The following TNNI3K variants were observed in gnomAD, a reference collection of about 807,000 sequenced individuals.
TNNI3K encodes TNNI3 interacting kinase.
A neutral mutation model predicts 114.5 loss-of-function variants in TNNI3K; 140 were observed. The ratio of observed to expected loss-of-function variants is 1.22; its 90% CI spans 1.07 to 1.41. The LOEUF is 1.41. Ranked by LOEUF, TNNI3K falls within the 40% of genes most tolerant of loss-of-function variation. TNNI3K has a pLI of 0.00. For missense variants in TNNI3K, 1,125 were observed against 1,007.6 expected, an observed-to-expected ratio of 1.12 and a Z score of -1.58; for synonymous variants, 347 against 347.5, an observed-to-expected ratio of 1.00 and a Z score of 0.02.
intron 7 of TNNI3K, among the ~76,000 whole-genome samples, chr1:74,340,295 T>G (rs1007868158): frequency 1.3e-5 from 2 of 152,138 alleles, no homozygotes; most frequent in African/African-American, 4.8e-5. Context: ...TAATAATGAT[T>G]TACATGTATT....
chr1:74,286,611 C>G (rs1657349633), intron 5 of TNNI3K, among the ~76,000 whole-genome samples: 1 of 151,684 alleles, frequency 6.6e-6, no homozygotes, highest in Non-Finnish European at 1.5e-5. Flanking sequence ...TCAGATTGAC[C>G]CCTGTGGACT....
At chr1:74,327,453 G>GAT (rs765712406) in intron 5 of TNNI3K, among the ~76,000 whole-genome samples, 16 of 145,996 alleles carry the variant, frequency 1.1e-4, no homozygotes, top group East Asian at 2.0e-4. Context: ...CTGCTACTGA[G>GAT]ATATATATAT....
intron 20 of TNNI3K, among the ~76,000 whole-genome samples, chr1:74,440,332 A>T (rs1322749204): frequency 6.6e-6 from 1 of 152,128 alleles, no homozygotes; most frequent in East Asian, 1.9e-4. Context: ...AGGACTTTGC[A>T]TCCCTAAAAC....
At chr1:74,448,264 A>G (rs1480493264) in intron 20 of TNNI3K, among the ~76,000 whole-genome samples, 1 of 108,264 alleles carries the variant, frequency 9.2e-6, no homozygotes, top group African/African-American at 6.1e-5. Flanking sequence ...GTATAATAAA[A>G]AAAAAAAAAA....
chr1:74,350,686 C>T, intron 9 of TNNI3K, among the ~76,000 whole-genome samples: 1 of 151,978 alleles, frequency 6.6e-6, no homozygotes, highest in African/African-American at 2.4e-5. Context: ...ATAGTTAGTT[C>T]TTCTTGTTGA....
chr1:74,467,597 G>A (rs1020522852), intron 21 of TNNI3K, among the ~76,000 whole-genome samples: 3 of 151,912 alleles, frequency 2.0e-5, no homozygotes, highest in African/African-American at 7.3e-5. Flanking sequence ...CTAAAGGAGT[G>A]AAAAGATAAA....
chr1:74,440,645 T>C (rs934157183), intron 20 of TNNI3K, among the ~76,000 whole-genome samples: 2 of 152,158 alleles, frequency 1.3e-5, no homozygotes, highest in African/African-American at 4.8e-5. Context: ...ACAGGTTATG[T>C]GCTCTGTGCA....
intron 17 of TNNI3K, among the ~76,000 whole-genome samples, chr1:74,391,957 A>ATTTTTTTTTTTTTTTTTTTTTTTTT (rs34656417): frequency 1.1e-5 from 1 of 92,988 alleles, no homozygotes. Flanking sequence ...ACAGCTTATT[A>ATTTTTTTTTTTTTTTTTTTTTTTTT]TTTTTTTTTT....
intron 9 of TNNI3K, among the ~76,000 whole-genome samples, chr1:74,347,737 C>T (rs899810622): frequency 1.3e-5 from 2 of 152,166 alleles, no homozygotes; most frequent in East Asian, 1.9e-4. Flanking sequence ...TGATTTGCAT[C>T]TCTCTGATGG....
At chr1:74,367,071 A>C (rs1466129863) in intron 11 of TNNI3K, among the ~76,000 whole-genome samples, 185 bp from the exon 12 acceptor site, 1 of 151,972 alleles carries the variant, frequency 6.6e-6, no homozygotes, top group Non-Finnish European at 1.5e-5. Flanking sequence ...AGTGCTTCGC[A>C]TATGGTAGTC....
At chr1:74,483,995 TTC>T (rs1367177588) in intron 21 of TNNI3K, among the ~76,000 whole-genome samples, 1 of 152,164 alleles carries the variant, frequency 6.6e-6, no homozygotes, top group Non-Finnish European at 1.5e-5. Flanking sequence ...AAAAAAATAT[TTC>T]TTTTTATTTT....
intron 20 of TNNI3K, among the ~76,000 whole-genome samples, chr1:74,462,399 A>G (rs1667489979): frequency 6.6e-6 from 1 of 152,224 alleles, no homozygotes; most frequent in African/African-American, 2.4e-5. Context: ...CTGGAACTTT[A>G]TCCTCTCACT....
At chr1:74,338,462 G>A (rs769768597) in intron 7 of TNNI3K, among the ~76,000 whole-genome samples, 4 of 151,120 alleles carry the variant, frequency 2.6e-5, no homozygotes, top group Non-Finnish European at 4.4e-5. Context: ...TCAGAGTTGC[G>A]TCTTGCCATT....
intron 17 of TNNI3K, among the ~76,000 whole-genome samples, chr1:74,412,703 C>A (rs926333156): frequency 2.0e-5 from 3 of 152,176 alleles, no homozygotes; most frequent in Non-Finnish European, 4.4e-5. Flanking sequence ...GAACCTCCCC[C>A]TCCAGGGTTC....
rs1017706544 is a variant in TNNI3K at position 74,306,639 on chromosome 1, G to C, written c.445-24811G>C. Among the ~76,000 whole-genome samples the C allele has an allele frequency of 4.6e-5, 7 of 152,204 alleles. No homozygotes were observed. In the South Asian group the frequency reaches 1.2e-3, roughly 27 times the overall value. ...TTTCTCTGATGATTAGTAATGTTAG[G>C]CATTTTTTCATGTTTCTTGGCCACT... On this transcript the variant is annotated intron_variant, in intron 5 of 24. Coordinates refer to ENST00000326637, the MANE Select transcript of TNNI3K (RefSeq NM_015978.3).
chr1:74,398,800 T>G (rs1664212826), intron 17 of TNNI3K, among the ~76,000 whole-genome samples: 1 of 152,012 alleles, frequency 6.6e-6, no homozygotes, highest in Middle Eastern at 3.2e-3. Flanking sequence ...CCTTGTTATC[T>G]CCCCTCTTCT....
chr1:74,316,122 A>C (rs1659289335), intron 5 of TNNI3K, among the ~76,000 whole-genome samples: 2 of 152,226 alleles, frequency 1.3e-5, no homozygotes, highest in Admixed American at 1.3e-4. Flanking sequence ...TGGTAATTTA[A>C]TGGTGAATAA....
intron 9 of TNNI3K, 143 bp from the exon 10 acceptor site, chr1:74,353,123 T>C: frequency 5.8e-6 from 5 of 868,718 alleles, no homozygotes; most frequent in Non-Finnish European, 8.7e-6. Flanking sequence ...TCTTTAAAGA[T>C]ACAATCCCTA....
intron 13 of TNNI3K, among the ~76,000 whole-genome samples, chr1:74,368,550 A>C (rs113220883): frequency 0.015 from 2,265 of 151,824 alleles, 53 homozygotes; most frequent in African/African-American, 0.049. Context: ...TAGTTTATGG[A>C]TATTTGGCTA....
Sources: allele counts gnomAD v4.1 joint callset (sites outside exome capture counted in the v4.1 genomes callset), GRCh38; gene constraint gnomAD v4.1.1; transcripts MANE v1.5; gene names NCBI Gene and HGNC (gene_info 2026-07-23, HGNC 2026-07-21).